PPIA: variants seen among roughly 807,000 people sequenced by gnomAD.
PPIA encodes the protein peptidyl-prolyl cis-trans isomerase A.
A neutral mutation model predicts 15.3 loss-of-function variants in PPIA; 2 were observed. That is an observed-to-expected ratio of 0.13 (90% CI 0.05 to 0.41). PPIA has a LOEUF of 0.41. Among genes scored for constraint, PPIA ranks in the 10% least tolerant of loss-of-function variants. PPIA has a pLI of 0.99. For synonymous variants in PPIA, 67 were observed against 73.1 expected, an observed-to-expected ratio of 0.92 and a Z score of 0.43; for missense variants, 103 against 210.3, an observed-to-expected ratio of 0.49 and a Z score of 3.16.
At position 44,802,265 on chromosome 7, in the gene PPIA, C is replaced by T. The variant is rs1792591917; in HGVS notation, c.*843C>T. On this transcript the variant is annotated 3_prime_UTR_variant, in exon 5 of 5. Transcript: ENST00000468812. ...CTGGGTTCAAGTGATTCTAGTGCCT[C>T]AGCCTCCTGAGTAGCTGGGATAATG... The T allele has an allele frequency of 6.6e-6, 1 of 150,900 alleles. No individual in the cohort carries two copies. The highest frequency in any genetic ancestry group is 1.5e-5 in the Non-Finnish European group (1 of 68,006). The allele number at this position is 150,900 out of a possible 1,614,324, so 9.3% of individuals were successfully genotyped here.
At position 44,796,687 on chromosome 7, in the gene PPIA, C is replaced by T. The variant is rs763033584; in HGVS notation, c.-38C>T. On this transcript the variant is annotated 5_prime_UTR_variant, in exon 1 of 5. Coordinates refer to ENST00000468812, the MANE Select transcript of PPIA (RefSeq NM_021130.5). ...GGGAGGCCAGGCTCGTGCCGTTTTG[C>T]AGACGCCACCGCCGAGGAAAACCGT... The T allele has an allele frequency of 1.9e-6, 3 of 1,600,882 alleles. No homozygotes were observed. In the South Asian group the frequency reaches 3.3e-5, roughly 18 times the overall value.
chr7:44,797,891 G>C (rs1177670593), intron 1 of PPIA: 5 of 152,290 alleles, frequency 3.3e-5, no homozygotes, highest in Middle Eastern at 3.4e-3. Flanking sequence ...TGCAGTCTTC[G>C]TGAGGACAGA....
chr7:44,798,317 G>A (rs4724325), intron 1 of PPIA: 146,204 of 152,262 alleles, frequency 0.96, 70,488 homozygotes, highest in East Asian at 1. Flanking sequence ...GATTGAGACC[G>A]TCCTGGCCAA....
At position 44,799,776 on chromosome 7, in the gene PPIA, C is replaced by A; in HGVS notation, c.264C>A (p.Phe88Leu). The A allele has an allele frequency of 6.2e-7, 1 of 1,613,910 alleles. No individual in the cohort carries two copies. Among genetic ancestry groups the A allele is most frequent in the Non-Finnish European group, 8.5e-7 (1 of 1,179,888 alleles). The stretch of plus-strand genomic sequence containing the variant: ...GGGAGAAATTTGAAGATGAGAACTT[C>A]ATCCTAAAGCATACGGGTCCTGGCA... ...IYGEKFEDEN[F>L]ILKHTGPGIL... Residue 88 changes from phenylalanine (F) to leucine (L), a missense_variant, in exon 4 of 5, where the codon TTC (phenylalanine) becomes TTA (leucine). Transcript: ENST00000468812.
intron 1 of PPIA, among the ~76,000 whole-genome samples, chr7:44,797,533 G>T (rs913537110): frequency 6.6e-6 from 1 of 152,106 alleles, no homozygotes; most frequent in Non-Finnish European, 1.5e-5. Context: ...CGGCGCTGGC[G>T]GGGGAGGCGC....
At chr7:44,799,908 CTA>C (rs759465590) in intron 4 of PPIA, 34 bp downstream of exon 4, 1 of 1,597,874 alleles carries the variant, frequency 6.3e-7, no homozygotes, top group South Asian at 1.1e-5. Flanking sequence ...AACCACCTGA[CTA>C]AATGAAAAGT....
intron 3 of PPIA, 97 bp downstream of exon 3, chr7:44,799,577 T>C: frequency 1.3e-6 from 2 of 1,571,194 alleles, no homozygotes; most frequent in Non-Finnish European, 1.7e-6. Context: ...ACTGTTACTC[T>C]ACCATTTCGG....
chr7:44,799,991 GA>G, intron 4 of PPIA, 117 bp downstream of exon 4: 2 of 1,032,386 alleles, frequency 1.9e-6, no homozygotes, highest in Non-Finnish European at 2.9e-6. Flanking sequence ...TCATCCCTAA[GA>G]TACTAGAAGA....
Position 44,799,383 on chromosome 7 carries a change from T to C in PPIA, c.101-9T>C. The C allele has an allele frequency of 6.2e-7, 1 of 1,611,758 alleles. No individual in the cohort carries two copies. The highest frequency in any genetic ancestry group is 1.1e-5 in the South Asian group (1 of 90,760). Reference sequence around the variant, plus strand: ...TATGTATATATGTGTTTAATTTTTTTTTAAACAGAAAATTTTCGTGCTCTG... The same window carrying C: ...TATGTATATATGTGTTTAATTTTTTCTTAAACAGAAAATTTTCGTGCTCTG... On this transcript the variant is annotated splice_polypyrimidine_tract_variant and intron_variant, in intron 2 of 4. Transcript: ENST00000468812.
In PPIA at chr7:44,801,512, G is replaced by T. The variant is rs995720018; in HGVS notation, c.*90G>T. 5 of 874,194 alleles carry T rather than the reference G, an allele frequency of 5.7e-6. No homozygotes were observed. The highest frequency in any genetic ancestry group is 8.8e-6 in the Non-Finnish European group (5 of 570,918). 54.2% of individuals were successfully genotyped at this position (874,194 alleles called of 1,614,324 possible). ...CACCCCATTTGCTCGCAGTATCCTA[G>T]AATCTTTGTGCTCTCGCTGCAGTTC... is the stretch of plus-strand genomic sequence containing the variant. On this transcript the variant is annotated 3_prime_UTR_variant, in exon 5 of 5. Transcript: ENST00000468812.
chr7:44,798,751 A>T, intron 1 of PPIA: 2 of 987,560 alleles, frequency 2.0e-6, no homozygotes, highest in Non-Finnish European at 2.4e-6. Flanking sequence ...CTACTAGGTA[A>T]GGGGCCTGGA....
chr7:44,800,067 T>C (rs569252368), intron 4 of PPIA, 193 bp downstream of exon 4: 2 of 650,234 alleles, frequency 3.1e-6, no homozygotes, highest in South Asian at 2.0e-5. Context: ...TGATAGAAAC[T>C]TGGCCCTTAG....
chr7:44,797,116 C>G (rs953469581), intron 1 of PPIA, among the ~76,000 whole-genome samples: 23 of 152,342 alleles, frequency 1.5e-4, no homozygotes, highest in Admixed American at 1.0e-3. Flanking sequence ...AGGTCCGCGC[C>G]TTGAGAGTCG....
chr7:44,799,590 C>A, intron 3 of PPIA, 110 bp downstream of exon 3: 1 of 1,570,890 alleles, frequency 6.4e-7, no homozygotes. Context: ...CATTTCGGTT[C>A]TATTTAACCC....
At chr7:44,800,799 G>T (rs887174900) in intron 4 of PPIA, among the ~76,000 whole-genome samples, 2 of 151,784 alleles carry the variant, frequency 1.3e-5, no homozygotes, top group African/African-American at 4.8e-5. Context: ...TTTGGGGGAG[G>T]GGGGCGCAAT....
intron 1 of PPIA, among the ~76,000 whole-genome samples, chr7:44,797,023 G>T (rs962901590): frequency 1.3e-5 from 2 of 152,104 alleles, no homozygotes; most frequent in Non-Finnish European, 2.9e-5. Flanking sequence ...CGAGGCCGTT[G>T]GGGGAGGGGG....
intron 4 of PPIA, among the ~76,000 whole-genome samples, chr7:44,800,802 G>A (rs111573845): frequency 1.3e-3 from 200 of 151,888 alleles, no homozygotes; most frequent in African/African-American, 4.3e-3. Flanking sequence ...GGGGGAGGGG[G>A]GCGCAATTCA....
intron 3 of PPIA, 61 bp downstream of exon 3, chr7:44,799,541 G>A: frequency 1.9e-6 from 3 of 1,583,364 alleles, no homozygotes; most frequent in Non-Finnish European, 2.6e-6. Flanking sequence ...GATTGAGCCA[G>A]AATATTTCAG....
At position 44,801,604 on chromosome 7, in the gene PPIA, T is replaced by A; in HGVS notation, c.*182T>A. The stretch of plus-strand genomic sequence containing the variant: ...CTGGATTGCAGAGTTAAGTTTATGA[T>A]TATGAAATAAAAACTAAATAACAAT... On this transcript the variant is annotated 3_prime_UTR_variant, in exon 5 of 5. Transcript: ENST00000468812. 1.9e-6 allele frequency: 1 copy of A among 540,258 alleles called. No homozygotes were observed. Among genetic ancestry groups the A allele is most frequent in the East Asian group, 3.2e-5 (1 of 30,850 alleles). The allele number at this position is 540,258 out of a possible 1,614,324, so 33.5% of individuals were successfully genotyped here. A position where few individuals can be genotyped will look rare whatever the true frequency, so the allele number is the denominator to read the frequency against.
Sources: allele counts gnomAD v4.1 joint callset (sites outside exome capture counted in the v4.1 genomes callset), GRCh38; gene constraint gnomAD v4.1.1; transcripts MANE v1.5; gene names NCBI Gene and HGNC (gene_info 2026-07-23, HGNC 2026-07-21).